The following CD8B2 variants were observed in gnomAD, a reference collection of about 807,000 sequenced individuals.
The protein encoded by CD8B2 is T-cell surface glycoprotein CD8 beta-2 chain.
In CD8B2, 11 loss-of-function variants were observed where a neutral mutation model predicts 23.7. That is an observed-to-expected ratio of 0.46 (90% CI 0.29 to 0.77). CD8B2 has a LOEUF of 0.77. Among genes scored for constraint, CD8B2 ranks in the 30% least tolerant of loss-of-function variants. The pLI, the probability that CD8B2 is intolerant of heterozygous loss-of-function variation, is 0.09. For synonymous variants in CD8B2, 90 were observed against 109.3 expected, an observed-to-expected ratio of 0.82 and a Z score of 1.10; for missense variants, 197 against 270.5, an observed-to-expected ratio of 0.73 and a Z score of 1.91.
At chr2:106,498,631 G>A (rs1363256226) in intron 3 of CD8B2, among the ~76,000 whole-genome samples, 2 of 152,134 alleles carry the variant, frequency 1.3e-5, no homozygotes, top group Non-Finnish European at 2.9e-5. Flanking sequence ...GGTCAGTGTA[G>A]CCTAGTGGCA....
chr2:106,523,462 G>A (rs559565816), intron 5 of CD8B2, among the ~76,000 whole-genome samples: 13 of 152,276 alleles, frequency 8.5e-5, no homozygotes, highest in South Asian at 4.1e-4. Context: ...AAGCCTCACC[G>A]TAGAAGGAAG....
chr2:106,493,323 G>A (rs986526634), intron 2 of CD8B2, among the ~76,000 whole-genome samples: 2 of 152,162 alleles, frequency 1.3e-5, no homozygotes, highest in Non-Finnish European at 2.9e-5. Context: ...TAAGAACAGA[G>A]AGGGAGAGAT....
chr2:106,512,234 C>T (rs11686895), downstream of CD8B2, among the ~76,000 whole-genome samples: 3,312 of 152,188 alleles, frequency 0.022, 54 homozygotes, highest in Non-Finnish European at 0.03. Context: ...CACTACCACA[C>T]CTGGCTAATT....
chr2:106,521,385 C>T (rs1051015351), intron 5 of CD8B2, among the ~76,000 whole-genome samples: 1 of 152,208 alleles, frequency 6.6e-6, no homozygotes, highest in African/African-American at 2.4e-5. Flanking sequence ...TAGCATTCAC[C>T]TGTGAAAGCT....
chr2:106,543,065 G>A (rs916501491), intron 5 of CD8B2: 5 of 152,164 alleles, frequency 3.3e-5, no homozygotes, highest in Non-Finnish European at 7.3e-5. Context: ...ACTCGTTATA[G>A]GCTCTGTTAA....
chr2:106,542,564 A>G (rs1680191718), intron 5 of CD8B2, among the ~76,000 whole-genome samples: 1 of 150,912 alleles, frequency 6.6e-6, no homozygotes, highest in Non-Finnish European at 1.5e-5. Context: ...TATTAAAGAC[A>G]ACTTTGGGTA....
chr2:106,536,625 G>C (rs553332803), intron 5 of CD8B2, among the ~76,000 whole-genome samples: 1 of 152,334 alleles, frequency 6.6e-6, no homozygotes, highest in Admixed American at 6.5e-5. Context: ...ACAATGAATA[G>C]ATGAAAAGGG....
rs1486198837 is a variant in CD8B2, at chr2:106,487,415, G to T, written c.-12G>T. The T allele has an allele frequency of 6.5e-6, 8 of 1,237,188 alleles. No homozygotes were observed. In the East Asian group the frequency reaches 1.9e-4, roughly 29 times the overall value. The allele number at this position is 1,237,188 out of a possible 1,614,324, so 76.6% of individuals were successfully genotyped here. A position where few individuals can be genotyped will look rare whatever the true frequency, so the allele number is the denominator to read the frequency against. On this transcript the variant is annotated 5_prime_UTR_variant, in exon 1 of 6. Transcript: ENST00000643224. ...CCGAGCCCCCGGGGCCAGGTGTCCC[G>T]GGCGCGCCCCGATGCGGCCGCGGCT... is the stretch of plus-strand genomic sequence containing the variant.
chr2:106,542,239 A>C (rs561257531), intron 5 of CD8B2, among the ~76,000 whole-genome samples: 34 of 152,270 alleles, frequency 2.2e-4, no homozygotes, highest in Admixed American at 1.8e-3. Context: ...CTGATATAAC[A>C]GTCATTATCT....
At chr2:106,493,801 A>G (rs1450908318) in intron 2 of CD8B2, among the ~76,000 whole-genome samples, 1 of 152,208 alleles carries the variant, frequency 6.6e-6, no homozygotes, top group African/African-American at 2.4e-5. Flanking sequence ...CTGGCTCTGC[A>G]GCCAGTGGCT....
chr2:106,526,947 T>A (rs912647836), intron 5 of CD8B2, among the ~76,000 whole-genome samples: 2 of 152,208 alleles, frequency 1.3e-5, no homozygotes, highest in Non-Finnish European at 2.9e-5. Context: ...CCGCTGAATA[T>A]ATCATTCTTT....
chr2:106,492,151 A>G (rs989685628), intron 2 of CD8B2, among the ~76,000 whole-genome samples: 10 of 151,746 alleles, frequency 6.6e-5, no homozygotes, highest in African/African-American at 1.9e-4. Flanking sequence ...CAAACTTGCC[A>G]TGCTTTCTCC....
intron 5 of CD8B2, among the ~76,000 whole-genome samples, chr2:106,541,192 G>A (rs1281390932): frequency 2.6e-5 from 4 of 152,144 alleles, no homozygotes; most frequent in Admixed American, 2.6e-4. Flanking sequence ...TTGTATCTGT[G>A]TATCACTAGG....
chr2:106,511,611 T>C (rs1244225764), downstream of CD8B2, among the ~76,000 whole-genome samples: 1 of 151,838 alleles, frequency 6.6e-6, no homozygotes, highest in African/African-American at 2.4e-5. Context: ...AGTGGGCAAC[T>C]TGTTTTCAGA....
At chr2:106,494,315 T>G (rs1328779376) in intron 2 of CD8B2, among the ~76,000 whole-genome samples, 6 of 151,960 alleles carry the variant, frequency 3.9e-5, no homozygotes, top group Non-Finnish European at 5.9e-5. Flanking sequence ...GCCCAACTAA[T>G]TTTTGTATTT....
intron 5 of CD8B2, among the ~76,000 whole-genome samples, chr2:106,536,708 G>A (rs1046480190): frequency 2.6e-5 from 4 of 152,214 alleles, no homozygotes; most frequent in African/African-American, 4.8e-5. Context: ...GCATCTCAAA[G>A]GGTGTGTTAC....
chr2:106,495,645 C>A (rs1360318161), intron 2 of CD8B2, among the ~76,000 whole-genome samples: 1 of 152,202 alleles, frequency 6.6e-6, no homozygotes, highest in Admixed American at 6.5e-5. Context: ...CAAAGCTGAA[C>A]CCCATCCCTA....
chr2:106,489,299 G>A (rs113401519), intron 1 of CD8B2, among the ~76,000 whole-genome samples: 13,817 of 151,458 alleles, frequency 0.091, 637 homozygotes, highest in Middle Eastern at 0.16. Flanking sequence ...CACCACACCC[G>A]GCCCCATCAT....
chr2:106,504,747 G>A (rs987132911), intron 5 of CD8B2, among the ~76,000 whole-genome samples: 5 of 152,106 alleles, frequency 3.3e-5, no homozygotes, highest in South Asian at 2.1e-4. Flanking sequence ...ACAGAATACC[G>A]CAGAGTATCC....
Sources: gnomAD v4.1 joint callset for allele counts (sites outside exome capture counted in the v4.1 genomes callset) on GRCh38, gnomAD v4.1.1 for gene constraint, MANE v1.5 for transcripts, NCBI Gene and HGNC (gene_info 2026-07-23, HGNC 2026-07-21) for gene names.